The following GPC6 variants were observed in gnomAD, a reference collection of about 807,000 sequenced individuals.
GPC6 encodes glypican 6, also known as glypican-6.
GPC6 carries 14 observed loss-of-function variants against 55.2 expected under a neutral mutation model. The observed-to-expected ratio is 0.25, with a 90% CI of 0.17 to 0.40. GPC6 has a LOEUF of 0.40. Among genes scored for constraint, GPC6 ranks in the 10% least tolerant of loss-of-function variants. GPC6 has a pLI of 1.00. For missense variants in GPC6, 641 were observed against 708.5 expected (o/e 0.90, Z 1.08); for synonymous variants, 278 against 259.6 (o/e 1.07, Z -0.68).
At chr13:93,710,868 A>C (rs907559573) in intron 2 of GPC6, among the ~76,000 whole-genome samples, 1 of 151,804 alleles carries the variant, frequency 6.6e-6, no homozygotes, top group African/African-American at 2.4e-5. Flanking sequence ...AGTACTCTTG[A>C]AGGTAGGCAA....
At chr13:93,236,263 C>T (rs1267241106) in intron 1 of GPC6, among the ~76,000 whole-genome samples, 1 of 152,086 alleles carries the variant, frequency 6.6e-6, no homozygotes, top group Non-Finnish European at 1.5e-5. Context: ...TTTAGGAGTA[C>T]AAGTGGTTGT....
At chr13:94,289,041 C>T (rs1874793445) in intron 5 of GPC6, among the ~76,000 whole-genome samples, 1 of 149,320 alleles carries the variant, frequency 6.7e-6, no homozygotes, top group South Asian at 2.1e-4. Flanking sequence ...CACTAAAACT[C>T]CATGAGTGAC....
chr13:93,440,246 G>A (rs148145112), intron 1 of GPC6, among the ~76,000 whole-genome samples: 271 of 152,278 alleles, frequency 1.8e-3, no homozygotes, highest in Non-Finnish European at 2.7e-3. Flanking sequence ...ATATTTCCAT[G>A]ATTTCTGGAA....
intron 2 of GPC6, among the ~76,000 whole-genome samples, chr13:93,686,801 G>C (rs1168844563): frequency 6.6e-6 from 1 of 152,018 alleles, no homozygotes; most frequent in Non-Finnish European, 1.5e-5. Context: ...AAAATAAACA[G>C]TTTATAGTCA....
intron 1 of GPC6, among the ~76,000 whole-genome samples, chr13:93,228,179 G>A (rs1353199010): frequency 3.9e-5 from 6 of 152,180 alleles, no homozygotes. Context: ...GGGCAAGGCT[G>A]GGAGGGACCC....
intron 4 of GPC6, among the ~76,000 whole-genome samples, chr13:94,038,153 G>A (rs76097994): frequency 0.022 from 3,278 of 151,904 alleles, 116 homozygotes; most frequent in African/African-American, 0.069. Context: ...AATGTGATGA[G>A]TTGATATACA....
At chr13:94,244,457 C>T (rs978748752) in intron 4 of GPC6, among the ~76,000 whole-genome samples, 19 of 151,812 alleles carry the variant, frequency 1.3e-4, no homozygotes, top group African/African-American at 4.4e-4. Flanking sequence ...ATGTCTATTA[C>T]ACAATAGATC....
chr13:93,911,406 C>CTGTG (rs10566353), intron 3 of GPC6, among the ~76,000 whole-genome samples: 181 of 150,022 alleles, frequency 1.2e-3, no homozygotes, highest in East Asian at 4.2e-3. Context: ...AGATAATTGA[C>CTGTG]TGTGTGTGTG....
intron 3 of GPC6, among the ~76,000 whole-genome samples, chr13:93,922,918 C>T (rs1877651159): frequency 6.6e-6 from 1 of 152,072 alleles, no homozygotes; most frequent in Non-Finnish European, 1.5e-5. Context: ...CATTCAATAC[C>T]ACCTCTTATA....
chr13:93,469,844 A>G (rs751143876), intron 1 of GPC6, among the ~76,000 whole-genome samples: 1 of 152,136 alleles, frequency 6.6e-6, no homozygotes, highest in Non-Finnish European at 1.5e-5. Flanking sequence ...TGGATGTTGA[A>G]TGGTATGAAC....
At chr13:93,792,350 G>A (rs558160909) in intron 2 of GPC6, among the ~76,000 whole-genome samples, 8 of 152,274 alleles carry the variant, frequency 5.3e-5, no homozygotes, top group Middle Eastern at 3.4e-3. Context: ...TTGCTCTGTC[G>A]CCCAGGCGGG....
At chr13:93,715,411 GTACTTGAGGACA>G (rs1883217546) in intron 2 of GPC6, among the ~76,000 whole-genome samples, 1 of 151,420 alleles carries the variant, frequency 6.6e-6, no homozygotes, top group Non-Finnish European at 1.5e-5. Context: ...TAAATATTGG[GTACTTGAGGACA>G]TAAAGATGGC....
rs181384486 is a variant in GPC6 at position 93,860,900 on chromosome 13, A to C, written c.711+30355A>C. On this transcript the variant is annotated intron_variant, in intron 3 of 8. Transcript: ENST00000377047. The stretch of plus-strand genomic sequence containing the variant: ...AAAATGAAAATATAATAACTCACTA[A>C]GTCATTTTTATCATTAAAAGGGTGG... Among the ~76,000 whole-genome samples, 66 of 151,676 alleles carry C rather than the reference A, an allele frequency of 4.4e-4. No individual in the cohort carries two copies. In the East Asian group the frequency reaches 0.011, roughly 25 times the overall value.
intron 2 of GPC6, among the ~76,000 whole-genome samples, chr13:93,781,893 G>A (rs964722969): frequency 6.6e-5 from 10 of 151,870 alleles, no homozygotes; most frequent in African/African-American, 1.5e-4. Flanking sequence ...CATTGGAGGT[G>A]GCTAAATGAA....
chr13:93,883,359 A>C (rs1324438221), intron 3 of GPC6, among the ~76,000 whole-genome samples: 5 of 152,114 alleles, frequency 3.3e-5, no homozygotes, highest in Admixed American at 1.3e-4. Flanking sequence ...CTCTGCCAAC[A>C]TAGTTAATGG....
intron 4 of GPC6, among the ~76,000 whole-genome samples, chr13:94,103,282 AT>A (rs1465975658): frequency 1.3e-5 from 2 of 152,094 alleles, no homozygotes; most frequent in Non-Finnish European, 2.9e-5. Context: ...AATCCAGTCA[AT>A]CATTGATGGG....
At position 93,340,026 on chromosome 13, in the gene GPC6, C is replaced by CTTTTT. The variant is rs10714044; in HGVS notation, c.160+112433_160+112437dup. On this transcript the variant is annotated intron_variant, in intron 1 of 8. Transcript: ENST00000377047. ...AAAAACAAAAACAAAAGTTTTCTTT[C>CTTTTT]TTTTTTTTTTTTTTTTTTTTTTTTT... Among the ~76,000 whole-genome samples, 654 of 81,630 alleles carry CTTTTT rather than the reference C, an allele frequency of 8.0e-3. 18 individuals carry two copies. Among genetic ancestry groups the CTTTTT allele is most frequent in the Middle Eastern group, 0.024 (2 of 84 alleles). 53.6% of individuals were successfully genotyped at this position (81,630 alleles called of 152,430 possible).
intron 6 of GPC6, among the ~76,000 whole-genome samples, chr13:94,307,552 A>T (rs1282463791): frequency 1.3e-5 from 2 of 152,192 alleles, no homozygotes; most frequent in South Asian, 4.1e-4. Flanking sequence ...AGCTCAAGCA[A>T]TCCACCTGCC....
intron 2 of GPC6, among the ~76,000 whole-genome samples, chr13:93,581,163 A>G (rs1594285183): frequency 6.6e-6 from 1 of 152,368 alleles, no homozygotes; most frequent in East Asian, 1.9e-4. Context: ...TCTCAAATCT[A>G]CATGTGAATG....
Sources: gnomAD v4.1 joint callset for allele counts (sites outside exome capture counted in the v4.1 genomes callset) on GRCh38, gnomAD v4.1.1 for gene constraint, MANE v1.5 for transcripts, NCBI Gene and HGNC (gene_info 2026-07-23, HGNC 2026-07-21) for gene names.